The following DIP2B variants were observed in gnomAD, a reference collection of about 807,000 sequenced individuals.
The protein encoded by DIP2B is disco-interacting protein 2 homolog B.
Under a neutral mutation model 198.0 loss-of-function variants are expected in DIP2B, and 76 were observed. The observed-to-expected ratio is 0.38, with a 90% CI of 0.32 to 0.46. The LOEUF (loss-of-function observed/expected upper bound fraction) is 0.46, where lower values mean the gene tolerates loss of function less well. DIP2B is among the 20% of genes least tolerant of loss of function. The pLI is 0.99. For synonymous variants in DIP2B, 701 were observed against 739.1 expected (o/e 0.95, Z 0.84); for missense variants, 1,559 against 1,978.4 (o/e 0.79, Z 4.02).
intron 19 of DIP2B, among the ~76,000 whole-genome samples, chr12:50,699,835 C>G (rs899165785): frequency 2.7e-5 from 4 of 149,790 alleles, no homozygotes; most frequent in African/African-American, 9.9e-5. Flanking sequence ...TGCATTCCAG[C>G]CTAGGGGACA....
chr12:50,564,295 A>G (rs993702756), intron 1 of DIP2B, among the ~76,000 whole-genome samples: 3 of 152,106 alleles, frequency 2.0e-5, no homozygotes, highest in East Asian at 3.9e-4. Flanking sequence ...ATTATTTTCA[A>G]CTTCCCACTG....
At chr12:50,674,378 G>A in intron 5 of DIP2B, 96 bp from the exon 6 acceptor site, 1 of 1,345,244 alleles carries the variant, frequency 7.4e-7, no homozygotes, top group Non-Finnish European at 1.0e-6. Context: ...CCCCATTTAT[G>A]TACTTTTCTT....
intron 4 of DIP2B, among the ~76,000 whole-genome samples, chr12:50,664,125 A>G (rs1422025328): frequency 2.6e-5 from 4 of 152,188 alleles, no homozygotes; most frequent in Admixed American, 6.5e-5. Context: ...GAGGCACTCA[A>G]TACGTAACTG....
chr12:50,746,217 TA>T lies in DIP2B; in HGVS notation c.*1379del, dbSNP rs1294240225. On this transcript the variant is annotated 3_prime_UTR_variant, in exon 38 of 38. Transcript: ENST00000301180. ...GTATTTGAATATAGTTAAATCGTAT[TA>T]TTTTTTTCTTAACAGAAATATTTTT... is the stretch of plus-strand genomic sequence containing the variant. The T allele has an allele frequency of 6.6e-6, 1 of 152,222 alleles. No individual in the cohort carries two copies. Among genetic ancestry groups the T allele is most frequent in the Non-Finnish European group, 1.5e-5 (1 of 68,036 alleles). The allele number at this position is 152,222 out of a possible 1,614,324, so 9.4% of individuals were successfully genotyped here. A position where few individuals can be genotyped will look rare whatever the true frequency, so the allele number is the denominator to read the frequency against.
intron 9 of DIP2B, 109 bp downstream of exon 9, chr12:50,680,872 CTT>C: frequency 9.6e-7 from 1 of 1,043,646 alleles, no homozygotes; most frequent in South Asian, 1.5e-5. Flanking sequence ...TTATGTAACT[CTT>C]ATTTTTGGAA....
intron 1 of DIP2B, among the ~76,000 whole-genome samples, chr12:50,609,582 A>C (rs1423945291): frequency 6.6e-6 from 1 of 152,232 alleles, no homozygotes; most frequent in East Asian, 1.9e-4. Flanking sequence ...AAGGGAAGAT[A>C]CACCCATTCC....
chr12:50,602,501 C>T lies in DIP2B; in HGVS notation c.101-23475C>T, dbSNP rs548493902. 5.3e-5 allele frequency among the ~76,000 whole-genome samples: 8 copies of T among 152,276 alleles called. No individual in the cohort carries two copies. The East Asian group carries it at 1.5e-3, about 29-fold the overall frequency. On this transcript the variant is annotated intron_variant, in intron 1 of 37. Transcript: ENST00000301180. The stretch of plus-strand genomic sequence containing the variant: ...CCAACTCCTGAGCTCAAGTGATCCA[C>T]CCACATTGGCCTCCCAAAGTGCTGA...
intron 1 of DIP2B, among the ~76,000 whole-genome samples, chr12:50,545,659 T>C (rs1260610734): frequency 6.6e-6 from 1 of 151,764 alleles, no homozygotes; most frequent in African/African-American, 2.4e-5. Flanking sequence ...GTAACTTTTA[T>C]TTTTTGGAGG....
chr12:50,640,793 CT>C lies in DIP2B; in HGVS notation c.243del (p.Ser83LeufsTer72), dbSNP rs1565855070. 1 of 1,613,984 alleles carries C rather than the reference CT, an allele frequency of 6.2e-7. No homozygotes were observed. Reference sequence around the variant, plus strand: ...GCTCCATCTGCAGCTCAAACTTCTGCTCCCTCTAAGTACCACCGAACTCGAT... The same window carrying C: ...GCTCCATCTGCAGCTCAAACTTCTGCCCCTCTAAGTACCACCGAACTCGAT... ...TPAPSAAQTS[A>X]PSKYHRTRSG... On this transcript the variant is annotated frameshift_variant, in exon 3 of 38. Coordinates refer to ENST00000301180, the MANE Select transcript of DIP2B (RefSeq NM_173602.3). LOFTEE classifies it high-confidence loss of function.
intron 1 of DIP2B, among the ~76,000 whole-genome samples, chr12:50,528,877 G>A (rs780847450): frequency 6.6e-5 from 10 of 152,154 alleles, no homozygotes; most frequent in Non-Finnish European, 1.3e-4. Context: ...GAATGGTTAA[G>A]CATTAAGGTG....
chr12:50,670,416 T>TTTTTTG (rs1416505880), intron 4 of DIP2B, among the ~76,000 whole-genome samples: 2 of 151,798 alleles, frequency 1.3e-5, no homozygotes, highest in Non-Finnish European at 2.9e-5. Flanking sequence ...ATGTTTTTTG[T>TTTTTTG]TTTTTGTTTT....
At position 50,626,065 on chromosome 12, in the gene DIP2B, G is replaced by A. The variant is rs1565849493; in HGVS notation, c.172+18G>A. ...GACACAAGGTAGGCAATAAAAAATGGTTTCAACTTTTTCAGTATTTTTACA... is the reference window on the plus strand; with the variant it reads ...GACACAAGGTAGGCAATAAAAAATGATTTCAACTTTTTCAGTATTTTTACA... On this transcript the variant is annotated intron_variant, in intron 2 of 37. Coordinates refer to ENST00000301180, the MANE Select transcript of DIP2B (RefSeq NM_173602.3). The A allele has an allele frequency of 1.2e-6, 2 of 1,612,518 alleles. No individual in the cohort carries two copies. Among genetic ancestry groups the A allele is most frequent in the Admixed American group, 3.3e-5 (2 of 59,790 alleles).
chr12:50,718,335 T>G (rs1259249931), intron 23 of DIP2B, among the ~76,000 whole-genome samples: 1 of 152,180 alleles, frequency 6.6e-6, no homozygotes, highest in African/African-American at 2.4e-5. Flanking sequence ...TGGAGAAGAT[T>G]AAAATATTAG....
chr12:50,530,327 G>A (rs1462002986), intron 1 of DIP2B, among the ~76,000 whole-genome samples: 15 of 152,110 alleles, frequency 9.9e-5, no homozygotes, highest in African/African-American at 3.4e-4. Flanking sequence ...TGATCTGCCC[G>A]CCTCAGCCTC....
At chr12:50,691,241 G>A in intron 13 of DIP2B, 90 bp downstream of exon 13, 1 of 1,152,356 alleles carries the variant, frequency 8.7e-7, no homozygotes. Flanking sequence ...CTCATTTAAT[G>A]ACCGAATTCA....
chr12:50,609,295 T>C (rs1005553425), intron 1 of DIP2B, among the ~76,000 whole-genome samples: 10 of 152,270 alleles, frequency 6.6e-5, no homozygotes, highest in African/African-American at 2.2e-4. Context: ...TTGTTGCCAC[T>C]TGACTGAAAA....
In DIP2B at chr12:50,605,066, T is replaced by C. The variant is rs1958970075; in HGVS notation, c.101-20910T>C. 2.0e-5 allele frequency among the ~76,000 whole-genome samples: 3 copies of C among 152,188 alleles called. No individual in the cohort carries two copies. The South Asian group carries it at 6.2e-4, about 32-fold the overall frequency. On this transcript the variant is annotated intron_variant, in intron 1 of 37. Coordinates refer to ENST00000301180, the MANE Select transcript of DIP2B (RefSeq NM_173602.3). ...CTTGAAGTTTATATACACATACCCA[T>C]TAATGTAGCCTGTTTTCTAGATGAC... is the stretch of plus-strand genomic sequence containing the variant.
At chr12:50,551,285 A>G (rs1958424963) in intron 1 of DIP2B, among the ~76,000 whole-genome samples, 1 of 152,088 alleles carries the variant, frequency 6.6e-6, no homozygotes, top group African/African-American at 2.4e-5. Flanking sequence ...TTAGCCAGGC[A>G]TAGTGGCACG....
chr12:50,551,119 A>G (rs114165179), intron 1 of DIP2B, among the ~76,000 whole-genome samples: 1,788 of 151,700 alleles, frequency 0.012, 32 homozygotes, highest in African/African-American at 0.041. Flanking sequence ...AAGAACATGA[A>G]GTATTTTAAA....
Sources: allele counts gnomAD v4.1 joint callset (sites outside exome capture counted in the v4.1 genomes callset), GRCh38; gene constraint gnomAD v4.1.1; transcripts MANE v1.5; gene names NCBI Gene and HGNC (gene_info 2026-07-23, HGNC 2026-07-21).